TACC1: variants seen among roughly 807,000 people sequenced by gnomAD.
TACC1 encodes the protein transforming acidic coiled-coil containing protein 1, also known as transforming acidic coiled-coil-containing protein 1.
In TACC1, 48 loss-of-function variants were observed where a neutral mutation model predicts 84.4. That is an observed-to-expected ratio of 0.57 (90% CI 0.45 to 0.72). The LOEUF is 0.72. TACC1 is among the 30% of genes least tolerant of loss of function. The pLI is 0.00. For synonymous variants in TACC1, 372 were observed against 376.3 expected, an observed-to-expected ratio of 0.99 and a Z score of 0.13; for missense variants, 920 against 973.0, an observed-to-expected ratio of 0.95 and a Z score of 0.72.
chr8:38,755,914 A>G (rs892468893), intron 3 of TACC1, among the ~76,000 whole-genome samples: 10 of 151,862 alleles, frequency 6.6e-5, no homozygotes, highest in African/African-American at 2.4e-4. Flanking sequence ...TCCTGGGTTC[A>G]AGCGATTCTC....
At chr8:38,733,615 C>T (rs937942492) in intron 1 of TACC1, among the ~76,000 whole-genome samples, 1 of 152,078 alleles carries the variant, frequency 6.6e-6, no homozygotes, top group Non-Finnish European at 1.5e-5. Flanking sequence ...CAGAACAATT[C>T]CTAGCACCAG....
chr8:38,733,878 A>G (rs949405995), intron 1 of TACC1, among the ~76,000 whole-genome samples: 26 of 152,184 alleles, frequency 1.7e-4, no homozygotes, highest in African/African-American at 6.3e-4. Flanking sequence ...GCTGGAAACA[A>G]GAGGACAATG....
At chr8:38,748,193 TA>T (rs1400655677) in intron 3 of TACC1, among the ~76,000 whole-genome samples, 3 of 151,570 alleles carry the variant, frequency 2.0e-5, no homozygotes, top group East Asian at 1.9e-4. Context: ...AATAGATTTC[TA>T]AAAAAAAGTA....
rs185910363 is a variant in TACC1, at chr8:38,796,199, A to G, written c.277+7380A>G. 5.2e-4 allele frequency among the ~76,000 whole-genome samples: 79 copies of G among 152,314 alleles called. 1 individual carries two copies. In the East Asian group the frequency reaches 0.014, roughly 26 times the overall value. On this transcript the variant is annotated intron_variant, in intron 2 of 12. Transcript: ENST00000317827. ...GCGAGATAGGACACAAGTGATTTCCATTTCACAGATTGGGAAATTGAGGCC... is the reference window on the plus strand; with the variant it reads ...GCGAGATAGGACACAAGTGATTTCCGTTTCACAGATTGGGAAATTGAGGCC...
chr8:38,836,787 C>T (rs1410651951), intron 7 of TACC1, among the ~76,000 whole-genome samples: 1 of 152,124 alleles, frequency 6.6e-6, no homozygotes, highest in Non-Finnish European at 1.5e-5. Flanking sequence ...CTGAAAAATA[C>T]GAAAGACACT....
chr8:38,781,802 G>A (rs76228244), intron 3 of TACC1, among the ~76,000 whole-genome samples: 1 of 152,060 alleles, frequency 6.6e-6, no homozygotes, highest in African/African-American at 2.4e-5. Context: ...TTGAAGTAAT[G>A]TCCTTTACTA....
At chr8:38,797,911 C>T (rs1329605785) in intron 2 of TACC1, among the ~76,000 whole-genome samples, 1 of 152,154 alleles carries the variant, frequency 6.6e-6, no homozygotes, top group East Asian at 1.9e-4. Flanking sequence ...GATTTCTACT[C>T]TGTCTAAAAT....
At position 38,819,750 on chromosome 8, in the gene TACC1, A is replaced by C. The variant is rs1440413186; in HGVS notation, c.506A>C (p.Lys169Thr). Residue 169 changes from lysine to threonine, a missense_variant, in exon 3 of 13, where the codon AAA (lysine) becomes ACA (threonine). Around this residue, in one of 2 missense-constraint regions of TACC1, gnomAD observed 762 missense variants for 747.3 expected, o/e 1.02. Transcript: ENST00000317827. ...GATATCTCGGCAGTCCTCGGAACAA[A>C]AGCAGCTCATGGCTGTGTAACTGCA... ...STDISAVLGT[K>T]AAHGCVTAVS... 6.2e-7 allele frequency: 1 copy of C among 1,613,952 alleles called. No individual in the cohort carries two copies. Among genetic ancestry groups the C allele is most frequent in the Non-Finnish European group, 8.5e-7 (1 of 1,180,046 alleles).
chr8:38,771,087 T>C (rs1191045913), intron 3 of TACC1, among the ~76,000 whole-genome samples: 1 of 152,182 alleles, frequency 6.6e-6, no homozygotes, highest in Non-Finnish European at 1.5e-5. Flanking sequence ...TTGAAAAAGT[T>C]TGGCAAGGTT....
At chr8:38,845,129 T>C (rs187241479) in intron 11 of TACC1, among the ~76,000 whole-genome samples, 4 of 152,358 alleles carry the variant, frequency 2.6e-5, no homozygotes, top group African/African-American at 9.6e-5. Context: ...TTCGCCATGT[T>C]GGGCAGGCTG....
At chr8:38,812,220 G>A (rs918853618) in intron 2 of TACC1, among the ~76,000 whole-genome samples, 2 of 152,128 alleles carry the variant, frequency 1.3e-5, no homozygotes, top group African/African-American at 4.8e-5. Context: ...CGTTTGCCTT[G>A]TGATCTTTGC....
chr8:38,852,229 C>T lies in TACC1; in HGVS notation c.*4206C>T. ...GACAAACAAGATTCCTAAGGAATGACTTTATTAACTATAATATGGTTACAG... is the reference window on the plus strand; with the variant it reads ...GACAAACAAGATTCCTAAGGAATGATTTTATTAACTATAATATGGTTACAG... On this transcript the variant is annotated 3_prime_UTR_variant, in exon 13 of 13. Transcript: ENST00000317827. 2 of 281,446 alleles carry T rather than the reference C, an allele frequency of 7.1e-6. No individual in the cohort carries two copies. Among genetic ancestry groups the T allele is most frequent in the Admixed American group, 9.0e-5 (2 of 22,224 alleles). 17.4% of individuals were successfully genotyped at this position (281,446 alleles called of 1,614,324 possible).
At chr8:38,761,672 A>G (rs964031846) in intron 3 of TACC1, among the ~76,000 whole-genome samples, 34 of 152,378 alleles carry the variant, frequency 2.2e-4, no homozygotes, top group Middle Eastern at 3.4e-3. Flanking sequence ...ATTGCTTTCA[A>G]ATTTATAATA....
At chr8:38,746,803 G>T (rs1026348657) in intron 3 of TACC1, among the ~76,000 whole-genome samples, 3 of 152,124 alleles carry the variant, frequency 2.0e-5, no homozygotes, top group African/African-American at 4.8e-5. Flanking sequence ...CTATTAAACA[G>T]TGCAGAATAG....
In TACC1 at chr8:38,787,430, A is replaced by C; in HGVS notation, c.-153A>C. Reference sequence around the variant, plus strand: ...TGCCGGCGGGAGGAAGCGCTCCACCAGGGCCCCCGACGGCACTCGTTTAAC... The same window carrying C: ...TGCCGGCGGGAGGAAGCGCTCCACCCGGGCCCCCGACGGCACTCGTTTAAC... On this transcript the variant is annotated 5_prime_UTR_variant, in exon 1 of 13. Transcript: ENST00000317827. The C allele has an allele frequency of 7.4e-7, 1 of 1,351,806 alleles. No individual in the cohort carries two copies. 83.7% of individuals were successfully genotyped at this position (1,351,806 alleles called of 1,614,324 possible).
At chr8:38,807,804 T>C (rs1823115350) in intron 2 of TACC1, among the ~76,000 whole-genome samples, 1 of 152,236 alleles carries the variant, frequency 6.6e-6, no homozygotes, top group Non-Finnish European at 1.5e-5. Flanking sequence ...AACTAGAATA[T>C]TAAGCTGTTT....
chr8:38,764,814 T>G (rs896197217), intron 3 of TACC1, among the ~76,000 whole-genome samples: 7 of 151,884 alleles, frequency 4.6e-5, no homozygotes, highest in African/African-American at 1.7e-4. Flanking sequence ...AAATTTAGTA[T>G]CAGGCTGGGC....
At chr8:38,779,368 T>G (rs1815487468) in intron 3 of TACC1, among the ~76,000 whole-genome samples, 1 of 152,218 alleles carries the variant, frequency 6.6e-6, no homozygotes, top group African/African-American at 2.4e-5. Context: ...GTCACTTAGA[T>G]GAAACCCACA....
chr8:38,810,361 G>A (rs1823793201), intron 2 of TACC1, among the ~76,000 whole-genome samples: 1 of 152,100 alleles, frequency 6.6e-6, no homozygotes, highest in Non-Finnish European at 1.5e-5. Context: ...AGCATTTTGG[G>A]AAGCTAAGGC....
Sources: allele counts gnomAD v4.1 joint callset (sites outside exome capture counted in the v4.1 genomes callset), GRCh38; gene constraint gnomAD v4.1.1; regional missense constraint gnomAD v4.1.1; transcripts MANE v1.5; gene names NCBI Gene and HGNC (gene_info 2026-07-23, HGNC 2026-07-21).